Variants in ART3 observed in about 807,000 individuals in gnomAD.
The protein encoded by ART3 is ecto-ADP-ribosyltransferase 3.
ART3 carries 49 observed loss-of-function variants against 48.5 expected under a neutral mutation model. The ratio of observed to expected loss-of-function variants is 1.01; its 90% CI spans 0.80 to 1.28. The LOEUF is 1.28. Among genes scored for constraint, ART3 ranks in the 50% most tolerant of loss-of-function variants. ART3 has a pLI of 0.00. For synonymous variants in ART3, 145 were observed against 157.2 expected, an observed-to-expected ratio of 0.92 and a Z score of 0.58; for missense variants, 438 against 454.3, an observed-to-expected ratio of 0.96 and a Z score of 0.33.
At chr4:76,098,902 G>T in intron 4 of ART3, 53 bp from the exon 5 acceptor site, 2 of 1,443,300 alleles carry the variant, frequency 1.4e-6, no homozygotes, top group South Asian at 2.4e-5. Context: ...GACTGATCCT[G>T]ACATTCACAT....
At chr4:76,079,044 G>C (rs1578448204) in intron 2 of ART3, among the ~76,000 whole-genome samples, 1 of 152,186 alleles carries the variant, frequency 6.6e-6, no homozygotes, top group African/African-American at 2.4e-5. Flanking sequence ...TAGTGCCACT[G>C]CACTCCAGCC....
chr4:76,051,579 G>T (rs945118999), intron 1 of ART3, among the ~76,000 whole-genome samples: 1 of 152,170 alleles, frequency 6.6e-6, no homozygotes, highest in South Asian at 2.1e-4. Context: ...CTGCTCTATC[G>T]CCCAGGCTGG....
At chr4:76,027,819 A>G (rs1303445778) in intron 1 of ART3, among the ~76,000 whole-genome samples, 3 of 145,152 alleles carry the variant, frequency 2.1e-5, no homozygotes, top group Non-Finnish European at 4.5e-5. Context: ...TTAGGATTCT[A>G]TAAAATCTGG....
At chr4:76,045,445 G>C (rs1374356237) in intron 1 of ART3, among the ~76,000 whole-genome samples, 1 of 151,992 alleles carries the variant, frequency 6.6e-6, no homozygotes, top group Non-Finnish European at 1.5e-5. Context: ...CAGACAGTGA[G>C]ATCCTTTCCT....
At chr4:76,062,180 G>T (rs902110118) in intron 1 of ART3, among the ~76,000 whole-genome samples, 7 of 152,134 alleles carry the variant, frequency 4.6e-5, no homozygotes, top group African/African-American at 1.4e-4. Context: ...CTGCAAGAGG[G>T]ATTACCCCTT....
At chr4:76,050,392 T>C (rs1201296750) in intron 1 of ART3, among the ~76,000 whole-genome samples, 1 of 152,032 alleles carries the variant, frequency 6.6e-6, no homozygotes, top group African/African-American at 2.4e-5. Context: ...ACACAAAGGT[T>C]CTCCAGGGCC....
rs74396045 is a variant in ART3 at position 76,090,540 on chromosome 4, T to G, written c.782-7104T>G. Among the ~76,000 whole-genome samples, 679 of 152,314 alleles carry G rather than the reference T, an allele frequency of 4.5e-3. 4 individuals are homozygous for G. The highest frequency in any genetic ancestry group is 0.016 in the African/African-American group (652 of 41,556). On this transcript the variant is annotated intron_variant, in intron 3 of 11. Coordinates refer to ENST00000355810, the MANE Select transcript of ART3 (RefSeq NM_001130016.3). Reference sequence around the variant, plus strand: ...AGAGATAGGGAACTTGTGGGAGGGCTTTATTTACTCTTGTCCAGACTGCGT... The same window carrying G: ...AGAGATAGGGAACTTGTGGGAGGGCGTTATTTACTCTTGTCCAGACTGCGT...
At position 76,068,097 on chromosome 4, in the gene ART3, G is replaced by A. The variant is rs1015266072; in HGVS notation, c.-9-7784G>A. 2.0e-5 allele frequency among the ~76,000 whole-genome samples: 3 copies of A among 152,078 alleles called. No individual in the cohort carries two copies. The South Asian group carries it at 6.2e-4, about 32-fold the overall frequency. On this transcript the variant is annotated intron_variant, in intron 1 of 9. Transcript: ENST00000341029. Reference sequence around the variant, plus strand: ...AAATTGGGATACATATATATCTGGGGGTACACAAATTTCAGGGAGTATGTA... The same window carrying A: ...AAATTGGGATACATATATATCTGGGAGTACACAAATTTCAGGGAGTATGTA...
chr4:76,088,611 T>C (rs1241833764), intron 3 of ART3, among the ~76,000 whole-genome samples: 1 of 152,158 alleles, frequency 6.6e-6, no homozygotes, highest in Non-Finnish European at 1.5e-5. Context: ...TTGGCACCTT[T>C]CTTTAGCATT....
chr4:76,019,129 T>C (rs893349062), intron 1 of ART3, among the ~76,000 whole-genome samples: 1 of 151,328 alleles, frequency 6.6e-6, no homozygotes, highest in Non-Finnish European at 1.5e-5. Flanking sequence ...AGATTCTTTG[T>C]GAAAAAAATG....
chr4:76,043,601 C>A (rs957441530), intron 1 of ART3, among the ~76,000 whole-genome samples: 1 of 152,148 alleles, frequency 6.6e-6, no homozygotes, highest in Non-Finnish European at 1.5e-5. Flanking sequence ...ACCAAGCCCA[C>A]GCCCACCCAG....
intron 10 of ART3, among the ~76,000 whole-genome samples, chr4:76,105,077 C>T (rs1728174349): frequency 6.6e-6 from 1 of 152,098 alleles, no homozygotes; most frequent in Non-Finnish European, 1.5e-5. Context: ...GGTCCAGGAC[C>T]TCTTTTATAT....
intron 1 of ART3, among the ~76,000 whole-genome samples, chr4:76,052,053 G>A (rs757896347): frequency 1.1e-4 from 16 of 151,690 alleles, no homozygotes; most frequent in Non-Finnish European, 1.8e-4. Context: ...GATTACGGTC[G>A]CCTGCCACCA....
chr4:76,099,714 G>C (rs1037752782), intron 5 of ART3: 5 of 153,220 alleles, frequency 3.3e-5, no homozygotes, highest in African/African-American at 9.6e-5. Context: ...AAAATATGTA[G>C]GTGATTAGAT....
chr4:76,089,466 C>G (rs1724344087), intron 3 of ART3, among the ~76,000 whole-genome samples: 1 of 152,144 alleles, frequency 6.6e-6, no homozygotes, highest in African/African-American at 2.4e-5. Flanking sequence ...CATCTTCCCC[C>G]TCTCCCTCTT....
chr4:76,062,637 G>A (rs534987486), intron 1 of ART3, among the ~76,000 whole-genome samples: 5 of 140,324 alleles, frequency 3.6e-5, no homozygotes, highest in Non-Finnish European at 7.5e-5. Flanking sequence ...CTCGGCTCAC[G>A]GCAAGCTCCG....
rs80075609 is a variant in ART3, at chr4:76,061,996, G to T, written c.-9-13885G>T. On this transcript the variant is annotated intron_variant, in intron 1 of 9. Coordinates refer to the ART3 transcript ENST00000341029. ...ATGTTTCTGGAATAGTTTGAGGGTA[G>T]CCTTTTGTTAGTTTTATGTAAATGC... 2.0e-4 allele frequency among the ~76,000 whole-genome samples: 31 copies of T among 152,338 alleles called. No individual in the cohort carries two copies. In the East Asian group the frequency reaches 6.0e-3, roughly 29 times the overall value.
At chr4:76,104,196 C>T (rs1416235055) in intron 9 of ART3, among the ~76,000 whole-genome samples, 1 of 152,186 alleles carries the variant, frequency 6.6e-6, no homozygotes, top group South Asian at 2.1e-4. Context: ...GTTAGTTCTG[C>T]TCTGGATGTT....
intron 10 of ART3, chr4:76,106,068 TC>T (rs1728401855): frequency 1.0e-6 from 1 of 985,226 alleles, no homozygotes; most frequent in African/African-American, 1.7e-5. Context: ...ACACAGGAGC[TC>T]ATTTAATCCA....
Sources: gnomAD v4.1 joint callset for allele counts (sites outside exome capture counted in the v4.1 genomes callset) on GRCh38, gnomAD v4.1.1 for gene constraint, MANE v1.5 for transcripts, NCBI Gene and HGNC (gene_info 2026-07-23, HGNC 2026-07-21) for gene names.